The following FGGY variants were observed in gnomAD, a reference collection of about 807,000 sequenced individuals.
FGGY encodes the protein FGGY carbohydrate kinase domain-containing protein.
In FGGY, 72 loss-of-function variants were observed where a neutral mutation model predicts 71.3. That is an observed-to-expected ratio of 1.01 (90% confidence interval 0.84 to 1.23). The LOEUF (loss-of-function observed/expected upper bound fraction) is 1.23. Ranked by LOEUF, FGGY falls within the 50% of genes most tolerant of loss-of-function variation. FGGY has a pLI of 0.00. For missense variants in FGGY, 668 were observed against 682.3 expected, an observed-to-expected ratio of 0.98 and a Z score of 0.23; for synonymous variants, 251 against 250.3, an observed-to-expected ratio of 1.00 and a Z score of -0.02.
chr1:59,524,231 C>T (rs72917708), intron 7 of FGGY, among the ~76,000 whole-genome samples: 1 of 152,316 alleles, frequency 6.6e-6, no homozygotes, highest in African/African-American at 2.4e-5. Flanking sequence ...TAGCCTCCTG[C>T]CACCTTGGCC....
At chr1:59,681,580 CTAAT>C (rs1276975974) in intron 14 of FGGY, among the ~76,000 whole-genome samples, 2 of 152,204 alleles carry the variant, frequency 1.3e-5, no homozygotes, top group East Asian at 3.8e-4. Flanking sequence ...ATTCCTCACT[CTAAT>C]TACTATTTAT....
intron 7 of FGGY, among the ~76,000 whole-genome samples, chr1:59,512,751 C>G (rs1212929845): frequency 6.6e-6 from 1 of 152,188 alleles, no homozygotes; most frequent in African/African-American, 2.4e-5. Flanking sequence ...TCTTGCCACA[C>G]TTAGCTCTAC....
chr1:59,659,052 A>T (rs2153955755), intron 11 of FGGY, among the ~76,000 whole-genome samples: 1 of 152,288 alleles, frequency 6.6e-6, no homozygotes, highest in Non-Finnish European at 1.5e-5. Flanking sequence ...ATACAAAAAA[A>T]TTAGCCAGAT....
intron 4 of FGGY, among the ~76,000 whole-genome samples, chr1:59,362,240 CTTCTCTTTTGTCTCCATTTTCCA>C (rs1378460382): frequency 6.6e-6 from 1 of 151,710 alleles, no homozygotes; most frequent in East Asian, 1.9e-4. Context: ...TCCTGTACTT[CTTCTCTTTTGTCTCCATTTTCCA>C]TTCTTTCCAT....
chr1:59,487,478 T>G (rs1172392079), intron 6 of FGGY, among the ~76,000 whole-genome samples: 1 of 152,176 alleles, frequency 6.6e-6, no homozygotes, highest in Non-Finnish European at 1.5e-5. Context: ...AGCACCTGCA[T>G]GGTACCTGGC....
chr1:59,434,755 A>C (rs2068063632), intron 5 of FGGY, among the ~76,000 whole-genome samples: 1 of 151,926 alleles, frequency 6.6e-6, no homozygotes, highest in South Asian at 2.1e-4. Flanking sequence ...CAAGGGCCCT[A>C]CTTCTTCATG....
intron 6 of FGGY, among the ~76,000 whole-genome samples, chr1:59,460,608 G>T (rs1036571512): frequency 3.9e-5 from 6 of 152,196 alleles, no homozygotes; most frequent in African/African-American, 1.4e-4. Flanking sequence ...CCTCAAGTGG[G>T]TCCCTCACCC....
chr1:59,707,406 G>A (rs992099867), intron 14 of FGGY, among the ~76,000 whole-genome samples: 2 of 152,184 alleles, frequency 1.3e-5, no homozygotes, highest in Non-Finnish European at 2.9e-5. Flanking sequence ...GGAGGAGGGG[G>A]AGAGAGGGAT....
At chr1:59,560,642 T>A (rs984192987) in intron 8 of FGGY, among the ~76,000 whole-genome samples, 13 of 152,196 alleles carry the variant, frequency 8.5e-5, no homozygotes, top group South Asian at 2.1e-4. Flanking sequence ...CTTTTTTTTT[T>A]AATTTACCTG....
At chr1:59,537,268 T>C (rs1490706573) in intron 7 of FGGY, among the ~76,000 whole-genome samples, 1 of 151,864 alleles carries the variant, frequency 6.6e-6, no homozygotes, top group Non-Finnish European at 1.5e-5. Context: ...GAGAATAAAA[T>C]AGCTAGGAAT....
intron 1 of FGGY, among the ~76,000 whole-genome samples, chr1:59,298,926 G>C (rs985064056): frequency 6.6e-6 from 1 of 152,212 alleles, no homozygotes; most frequent in East Asian, 1.9e-4. Flanking sequence ...TTTGGGCCCA[G>C]AACTGTGGTA....
intron 1 of FGGY, among the ~76,000 whole-genome samples, chr1:59,301,450 C>T (rs1261483485): frequency 6.6e-6 from 1 of 152,084 alleles, no homozygotes; most frequent in Non-Finnish European, 1.5e-5. Context: ...ATTTTTCTTG[C>T]TGTATTCCAC....
intron 2 of FGGY, among the ~76,000 whole-genome samples, chr1:59,323,163 G>C (rs2046710455): frequency 6.6e-6 from 1 of 152,052 alleles, no homozygotes; most frequent in African/African-American, 2.4e-5. Flanking sequence ...CTTTGCACTT[G>C]GGCCTTCTTT....
intron 11 of FGGY, among the ~76,000 whole-genome samples, chr1:59,653,105 C>G (rs554912353): frequency 6.6e-6 from 1 of 152,188 alleles, no homozygotes; most frequent in Non-Finnish European, 1.5e-5. Context: ...AGGCAGTCTG[C>G]GGGTTCTCAG....
At chr1:59,496,567 C>T (rs2094038689) in intron 6 of FGGY, among the ~76,000 whole-genome samples, 2 of 152,056 alleles carry the variant, frequency 1.3e-5, no homozygotes, top group Non-Finnish European at 2.9e-5. Flanking sequence ...GAAAAACTAC[C>T]TGTAGAGTGC....
At chr1:59,514,413 A>G (rs1377444004) in intron 7 of FGGY, among the ~76,000 whole-genome samples, 1 of 152,116 alleles carries the variant, frequency 6.6e-6, no homozygotes, top group Non-Finnish European at 1.5e-5. Context: ...CCCAGGACTC[A>G]CTATGTCCTC....
intron 11 of FGGY, among the ~76,000 whole-genome samples, chr1:59,653,442 A>G (rs1287968976): frequency 1.3e-5 from 2 of 152,108 alleles, no homozygotes; most frequent in Non-Finnish European, 2.9e-5. Context: ...CAGGTGTGGG[A>G]TATAGTCTCG....
At chr1:59,756,145 C>A (rs1309098383) in intron 14 of FGGY, 1 of 152,170 alleles carries the variant, frequency 6.6e-6, no homozygotes, top group Non-Finnish European at 1.5e-5. Context: ...TGGCCCTCCA[C>A]AAAATGACTC....
chr1:59,451,463 C>G (rs1355997015), intron 5 of FGGY, among the ~76,000 whole-genome samples: 1 of 151,272 alleles, frequency 6.6e-6, no homozygotes, highest in African/African-American at 2.4e-5. Flanking sequence ...TTATTATCCA[C>G]TTAGATTTCA....
Sources: gnomAD v4.1 joint callset for allele counts (sites outside exome capture counted in the v4.1 genomes callset) on GRCh38, gnomAD v4.1.1 for gene constraint, MANE v1.5 for transcripts, NCBI Gene and HGNC (gene_info 2026-07-23, HGNC 2026-07-21) for gene names.